The following ARHGAP1 variants were observed in gnomAD, a reference collection of about 807,000 sequenced individuals.
ARHGAP1 encodes the protein rho GTPase-activating protein 1.
ARHGAP1 carries 23 observed loss-of-function variants against 52.2 expected under a neutral mutation model. The observed-to-expected ratio is 0.44, with a 90% CI of 0.32 to 0.62. The LOEUF is 0.62. Ranked by LOEUF, ARHGAP1 falls within the 20% of genes least tolerant of loss-of-function variation. The pLI is 0.05. For synonymous variants in ARHGAP1, 210 were observed against 228.4 expected, an observed-to-expected ratio of 0.92 and a Z score of 0.73; for missense variants, 480 against 560.9, an observed-to-expected ratio of 0.86 and a Z score of 1.46.
chr11:46,679,289 A>C lies in ARHGAP1; in HGVS notation c.1132-64T>G. 1.9e-6 allele frequency: 3 copies of C among 1,599,154 alleles called. No individual in the cohort carries two copies. The highest frequency in any genetic ancestry group is 2.6e-6 in the Non-Finnish European group (3 of 1,169,716). ...ATGCTGCCTCCCACTCCCAGCAACA[A>C]TGACCAGGGCGCAGAGGAGGCGGCA... On this transcript the variant is annotated intron_variant, in intron 12 of 12. Coordinates refer to ENST00000311956, the MANE Select transcript of ARHGAP1 (RefSeq NM_004308.5). The surrounding 1 kb of genome is among the most constrained non-coding windows in gnomAD (Gnocchi z 4.4).
chr11:46,691,512 C>T (rs113097600), intron 3 of ARHGAP1, among the ~76,000 whole-genome samples: 8,441 of 148,242 alleles, frequency 0.057, 274 homozygotes, highest in East Asian at 0.1. Flanking sequence ...AGTGCAATGG[C>T]GCGATCTCGG....
rs2064502233 is a variant in ARHGAP1, at chr11:46,679,023, G to T, written c.*14C>A. 1 of 1,613,784 alleles carries T rather than the reference G, an allele frequency of 6.2e-7. No individual in the cohort carries two copies. Among genetic ancestry groups the T allele is most frequent in the Non-Finnish European group, 8.5e-7 (1 of 1,179,778 alleles). ...GGGCTACCAGAGAAGGGGCTGGTGG[G>T]GCAGGGGCCAGGTTCAGAGCCCGCT... On this transcript the variant is annotated 3_prime_UTR_variant, in exon 13 of 13. Transcript: ENST00000311956. This position sits in a 1 kb window ranked among gnomAD's most constrained non-coding sequence, Gnocchi z 4.4.
In ARHGAP1 at chr11:46,699,095, T is replaced by C. The variant is rs188049128; in HGVS notation, c.-50+1456A>G. Among the ~76,000 whole-genome samples, 12 of 152,304 alleles carry C rather than the reference T, an allele frequency of 7.9e-5. No homozygotes were observed. In the East Asian group the frequency reaches 1.2e-3, roughly 15 times the overall value. On this transcript the variant is annotated intron_variant, in intron 1 of 12. Coordinates refer to ENST00000311956, the MANE Select transcript of ARHGAP1 (RefSeq NM_004308.5). ...ACCTTAGGCAATCACTTTTAGGAAGTTGTAGACTTTTCTGAAATTGGTAAC... is the reference window on the plus strand; with the variant it reads ...ACCTTAGGCAATCACTTTTAGGAAGCTGTAGACTTTTCTGAAATTGGTAAC...
intron 3 of ARHGAP1, among the ~76,000 whole-genome samples, chr11:46,688,519 T>C (rs1022634831): frequency 2.0e-5 from 3 of 152,008 alleles, no homozygotes; most frequent in African/African-American, 7.2e-5. Flanking sequence ...TCTTGTTCTT[T>C]CACCCAGTCT....
In ARHGAP1 at chr11:46,684,316, G is replaced by T. The variant is rs189136480; in HGVS notation, c.318-2134C>A. Among the ~76,000 whole-genome samples, 592 of 152,334 alleles carry T rather than the reference G, an allele frequency of 3.9e-3. 3 individuals are homozygous for T. The highest frequency in any genetic ancestry group is 0.014 in the African/African-American group (578 of 41,580). On this transcript the variant is annotated intron_variant, in intron 4 of 12. Coordinates refer to ENST00000311956, the MANE Select transcript of ARHGAP1 (RefSeq NM_004308.5). The stretch of plus-strand genomic sequence containing the variant: ...CAGACACTCTCATCCACTGATGGAG[G>T]TTATGGCCTTTTGTAGGGAAATAAA...
intron 4 of ARHGAP1, 95 bp downstream of exon 4, chr11:46,688,078 G>A (rs117110037): frequency 8.0e-7 from 1 of 1,245,814 alleles, no homozygotes. Flanking sequence ...AGGTGGCCTA[G>A]CACCCACAGG....
At chr11:46,683,545 C>A (rs1237944947) in intron 4 of ARHGAP1, among the ~76,000 whole-genome samples, 1 of 152,090 alleles carries the variant, frequency 6.6e-6, no homozygotes, top group Non-Finnish European at 1.5e-5. Flanking sequence ...ACCAGCTCAG[C>A]ACAAACATAT....
intron 1 of ARHGAP1, among the ~76,000 whole-genome samples, chr11:46,697,966 C>T (rs1417046639): frequency 6.6e-6 from 1 of 152,204 alleles, no homozygotes; most frequent in East Asian, 1.9e-4. Context: ...GTAATAAAGA[C>T]AGAATCCAGC....
At position 46,680,852 on chromosome 11, in the gene ARHGAP1, G is replaced by A. The variant is rs752075278; in HGVS notation, c.636-105C>T. 4.5e-5 allele frequency: 49 copies of A among 1,079,140 alleles called. No homozygotes were observed. The highest frequency in any genetic ancestry group is 6.1e-5 in the Non-Finnish European group (46 of 750,144). 66.8% of individuals were successfully genotyped at this position (1,079,140 alleles called of 1,614,324 possible). A position where few individuals can be genotyped will look rare whatever the true frequency, so the allele number is the denominator to read the frequency against. ...CGGGGTCAGGAGGATCATCTCATGC[G>A]ATCTCTGTAACAACTCCGCTTTCCA... On this transcript the variant is annotated intron_variant, in intron 7 of 12. Coordinates refer to ENST00000311956, the MANE Select transcript of ARHGAP1 (RefSeq NM_004308.5). This position sits in a 1 kb window ranked among gnomAD's most constrained non-coding sequence, Gnocchi z 5.9.
At position 46,679,846 on chromosome 11, in the gene ARHGAP1, G is replaced by T; in HGVS notation, c.899-70C>A. 6.3e-7 allele frequency: 1 copy of T among 1,598,416 alleles called. No homozygotes were observed. The highest frequency in any genetic ancestry group is 1.1e-5 in the South Asian group (1 of 89,970). On this transcript the variant is annotated intron_variant, in intron 10 of 12. Coordinates refer to ENST00000311956, the MANE Select transcript of ARHGAP1 (RefSeq NM_004308.5). This position sits in a 1 kb window ranked among gnomAD's most constrained non-coding sequence, Gnocchi z 4.4. Reference sequence around the variant, plus strand: ...GCAGCACCCATCTGCAGACAACGCGGGCCGCACTGCCTGACTGCCCCTGGA... The same window carrying T: ...GCAGCACCCATCTGCAGACAACGCGTGCCGCACTGCCTGACTGCCCCTGGA...
At chr11:46,682,997 T>TGGTA (rs1260238579) in intron 4 of ARHGAP1, among the ~76,000 whole-genome samples, 1 of 149,804 alleles carries the variant, frequency 6.7e-6, no homozygotes, top group African/African-American at 2.4e-5. Flanking sequence ...ACACAGCTTG[T>TGGTA]GGTAGATCCT....
At chr11:46,690,803 C>G (rs1048469415) in intron 3 of ARHGAP1, among the ~76,000 whole-genome samples, 1 of 152,116 alleles carries the variant, frequency 6.6e-6, no homozygotes, top group East Asian at 1.9e-4. Flanking sequence ...CCCTGACAGG[C>G]TTGTGAGCAG....
In ARHGAP1 at chr11:46,680,111, G is replaced by T; in HGVS notation, c.898+94C>A. The stretch of plus-strand genomic sequence containing the variant: ...GCCACGGAAACCTCCAGCAGGAAGA[G>T]ACTCTGAGACTCTCATTTACAGGGC... On this transcript the variant is annotated intron_variant, in intron 10 of 12. Transcript: ENST00000311956. The surrounding 1 kb of genome is among the most constrained non-coding windows in gnomAD (Gnocchi z 5.9). The T allele has an allele frequency of 7.1e-7, 1 of 1,401,844 alleles. No homozygotes were observed. The allele number at this position is 1,401,844 out of a possible 1,614,324, so 86.8% of individuals were successfully genotyped here.
At chr11:46,697,616 G>C (rs2064665924) in intron 1 of ARHGAP1, 2 of 152,350 alleles carry the variant, frequency 1.3e-5, no homozygotes, top group South Asian at 2.1e-4. Context: ...CCTATCACCA[G>C]GGCAACCACA....
rs2064585886 is a variant in ARHGAP1, at chr11:46,688,196, C to T, written c.294G>A (p.Gln98=). 6.2e-7 allele frequency: 1 copy of T among 1,613,982 alleles called. No homozygotes were observed. The highest frequency in any genetic ancestry group is 8.5e-7 in the Non-Finnish European group (1 of 1,179,944). The change falls in exon 4 of 13, where the codon CAG becomes CAA. Residue 98 remains glutamine, a synonymous_variant. Coordinates refer to ENST00000311956, the MANE Select transcript of ARHGAP1 (RefSeq NM_004308.5). The stretch of plus-strand genomic sequence containing the variant: ...ACCCCAGGAGCTTGCTGTGGTCGAG[C>T]TGGTGGCTGGGGGGCATTCGACAGG... ...FSACRMPPSH[Q]LDHSKLLGYL... is the part of the protein sequence containing the mutation.
Position 46,678,583 on chromosome 11 carries a change from TAGGG to T in ARHGAP1, c.*450_*453del, listed in dbSNP as rs1173458793. On this transcript the variant is annotated 3_prime_UTR_variant, in exon 13 of 13. Transcript: ENST00000311956. ...CTGCAAAGCAGGGCAGCCTACCAGA[TAGGG>T]AGGCACCTCAGCTTGGGGCGGTGTC... 1 of 183,598 alleles carries T rather than the reference TAGGG, an allele frequency of 5.4e-6. No homozygotes were observed. Among genetic ancestry groups the T allele is most frequent in the Non-Finnish European group, 1.2e-5 (1 of 86,670 alleles). The allele number at this position is 183,598 out of a possible 1,614,324, so 11.4% of individuals were successfully genotyped here. A position where few individuals can be genotyped will look rare whatever the true frequency, so the allele number is the denominator to read the frequency against.
chr11:46,685,657 G>A (rs1045681599), intron 4 of ARHGAP1, among the ~76,000 whole-genome samples: 1 of 149,268 alleles, frequency 6.7e-6, no homozygotes, highest in Non-Finnish European at 1.5e-5. Context: ...CAACAGCCCT[G>A]GGAGGTGGGC....
At chr11:46,689,393 CA>C (rs1565688280) in intron 3 of ARHGAP1, among the ~76,000 whole-genome samples, 1 of 152,030 alleles carries the variant, frequency 6.6e-6, no homozygotes, top group African/African-American at 2.4e-5. Flanking sequence ...TTAGTGGGTA[CA>C]GCATTTGGTA....
chr11:46,677,597 T>A lies in ARHGAP1; in HGVS notation c.*1440A>T. On this transcript the variant is annotated 3_prime_UTR_variant, in exon 13 of 13. Coordinates refer to ENST00000311956, the MANE Select transcript of ARHGAP1 (RefSeq NM_004308.5). ...AGGAAGAGGGATCCCCAGGAAGGAG[T>A]GTAATTCTACGAGACAGTGGGAGTG... 1 of 206,738 alleles carries A rather than the reference T, an allele frequency of 4.8e-6. No homozygotes were observed. The highest frequency in any genetic ancestry group is 1.0e-5 in the Non-Finnish European group (1 of 100,014). The allele number at this position is 206,738 out of a possible 1,614,324, so 12.8% of individuals were successfully genotyped here.
Sources: gnomAD v4.1 joint callset for allele counts (sites outside exome capture counted in the v4.1 genomes callset) on GRCh38, gnomAD v4.1.1 for gene constraint, Gnocchi (gnomAD v3.1) non-coding constraint, MANE v1.5 for transcripts, NCBI Gene and HGNC (gene_info 2026-07-23, HGNC 2026-07-21) for gene names.